FBXL17: variants seen among roughly 807,000 people sequenced by gnomAD.
The protein encoded by FBXL17 is F-box and leucine rich repeat protein 17.
FBXL17 carries 22 observed loss-of-function variants against 66.2 expected under a neutral mutation model. The ratio of observed to expected loss-of-function variants is 0.33; its 90% confidence interval spans 0.24 to 0.47. FBXL17 has a LOEUF of 0.47. Among genes scored for constraint, FBXL17 ranks in the 20% least tolerant of loss-of-function variants. The pLI, the probability that FBXL17 is intolerant of heterozygous loss-of-function variation, is 1.00. For missense variants in FBXL17, 878 were observed against 948.2 expected, an observed-to-expected ratio of 0.93 and a Z score of 0.97; for synonymous variants, 474 against 400.5, an observed-to-expected ratio of 1.18 and a Z score of -2.19.
chr5:108,378,212 T>C (rs1580930795), intron 1 of FBXL17, among the ~76,000 whole-genome samples: 1 of 151,280 alleles, frequency 6.6e-6, no homozygotes, highest in African/African-American at 2.4e-5. Context: ...TTAGTTTCTC[T>C]CCTCTGCCAT....
At chr5:108,185,583 G>C (rs1042079649) in intron 6 of FBXL17, among the ~76,000 whole-genome samples, 1 of 152,060 alleles carries the variant, frequency 6.6e-6, no homozygotes, top group Non-Finnish European at 1.5e-5. Context: ...GCTAATATAG[G>C]CGCAGTGGTG....
At chr5:108,222,737 A>G (rs1332909602) in intron 5 of FBXL17, among the ~76,000 whole-genome samples, 1 of 142,592 alleles carries the variant, frequency 7.0e-6, no homozygotes, top group Admixed American at 7.5e-5. Flanking sequence ...GCAGTGGCGC[A>G]ATCTCGGCTC....
At chr5:108,244,027 TTCGAACTG>T (rs778249624) in intron 4 of FBXL17, among the ~76,000 whole-genome samples, 4 of 152,094 alleles carry the variant, frequency 2.6e-5, no homozygotes, top group African/African-American at 4.8e-5. Context: ...TATTTAGACT[TTCGAACTG>T]TCTATGGTTC....
At chr5:107,946,213 G>A (rs1198224993) in intron 7 of FBXL17, among the ~76,000 whole-genome samples, 4 of 130,490 alleles carry the variant, frequency 3.1e-5, no homozygotes, top group Admixed American at 8.4e-5. Context: ...TAAGCACGAT[G>A]CCCAAAGTTG....
intron 4 of FBXL17, among the ~76,000 whole-genome samples, chr5:108,338,647 GAGA>G (rs1561537943): frequency 6.6e-6 from 1 of 152,070 alleles, no homozygotes; most frequent in Non-Finnish European, 1.5e-5. Flanking sequence ...TAAGATGCAA[GAGA>G]AGAAGGGTTG....
rs148961661 is a variant in FBXL17 at position 107,977,487 on chromosome 5, A to G, written c.1822+43438T>C. On this transcript the variant is annotated intron_variant, in intron 7 of 8. Coordinates refer to ENST00000542267, the MANE Select transcript of FBXL17 (RefSeq NM_001163315.3). ...AGGTTAGTCTTGCTTAAGTTCACAC[A>G]TAGATAATTGTCAGAGGCAAGACTG... Among the ~76,000 whole-genome samples, 680 of 152,350 alleles carry G rather than the reference A, an allele frequency of 4.5e-3. 14 individuals carry two copies. The highest frequency in any genetic ancestry group is 0.038 in the Admixed American group (589 of 15,302).
chr5:108,068,954 C>T (rs1748225430), intron 6 of FBXL17, among the ~76,000 whole-genome samples: 1 of 152,070 alleles, frequency 6.6e-6, no homozygotes, highest in Non-Finnish European at 1.5e-5. Flanking sequence ...ATACTCCTGG[C>T]CTTGGAATTG....
rs1750019026 is a variant in FBXL17 at position 108,382,059 on chromosome 5, T to A, written c.-368A>T. 2.6e-6 allele frequency: 2 copies of A among 780,196 alleles called. No homozygotes were observed. The highest frequency in any genetic ancestry group is 3.2e-6 in the Non-Finnish European group (2 of 629,628). 48.3% of individuals were successfully genotyped at this position (780,196 alleles called of 1,614,324 possible). A position where few individuals can be genotyped will look rare whatever the true frequency, so the allele number is the denominator to read the frequency against. On this transcript the variant is annotated 5_prime_UTR_variant, in exon 1 of 9. Coordinates refer to ENST00000542267, the MANE Select transcript of FBXL17 (RefSeq NM_001163315.3). ...AGGCCGGGTCCCGCTCGGACCATTT[T>A]AACTGCGGATCCGCCGCCGGCGCGC... is the stretch of plus-strand genomic sequence containing the variant.
chr5:108,340,105 T>C (rs1199208940), intron 4 of FBXL17, among the ~76,000 whole-genome samples: 10 of 151,156 alleles, frequency 6.6e-5, no homozygotes, highest in Non-Finnish European at 1.5e-5. Context: ...AATCCACTTA[T>C]GTTCCTGCCA....
Position 108,054,341 on chromosome 5 carries a change from A to C in FBXL17, c.1746-33340T>G, listed in dbSNP as rs571874336. Among the ~76,000 whole-genome samples the C allele has an allele frequency of 2.6e-5, 4 of 152,090 alleles. No individual in the cohort carries two copies. The East Asian group carries it at 7.7e-4, about 29-fold the overall frequency. On this transcript the variant is annotated intron_variant, in intron 6 of 8. Coordinates refer to ENST00000542267, the MANE Select transcript of FBXL17 (RefSeq NM_001163315.3). ...GTTGACAGTTATGGGTTTTTTTAGC[A>C]TTAGACCTCCTCCAATAAGACTCCA... is the stretch of plus-strand genomic sequence containing the variant.
At chr5:107,972,472 T>C (rs181563717) in intron 7 of FBXL17, among the ~76,000 whole-genome samples, 1 of 152,318 alleles carries the variant, frequency 6.6e-6, no homozygotes, top group East Asian at 1.9e-4. Flanking sequence ...AAAGTCTGTA[T>C]TATGTTCCTT....
chr5:107,871,068 A>AAAAAAAAAAAAAAAAAAAAAAAAAC (rs1561511887), intron 8 of FBXL17, among the ~76,000 whole-genome samples: 1 of 123,908 alleles, frequency 8.1e-6, no homozygotes, highest in African/African-American at 3.5e-5. Flanking sequence ...AAAAAAAAAA[A>AAAAAAAAAAAAAAAAAAAAAAAAAC]AAAAAAAAAA....
At chr5:108,036,944 A>T (rs1746865107) in intron 6 of FBXL17, among the ~76,000 whole-genome samples, 1 of 152,200 alleles carries the variant, frequency 6.6e-6, no homozygotes, top group South Asian at 2.1e-4. Context: ...AGGAAGAGAA[A>T]TACCTAGGCA....
intron 7 of FBXL17, among the ~76,000 whole-genome samples, chr5:107,926,491 T>G (rs1750528786): frequency 6.6e-6 from 1 of 152,026 alleles, no homozygotes; most frequent in Non-Finnish European, 1.5e-5. Flanking sequence ...TCCTTGCATC[T>G]CCTGAGTAGG....
intron 4 of FBXL17, chr5:108,299,773 C>T (rs1357089528): frequency 4.1e-6 from 4 of 984,742 alleles, no homozygotes; most frequent in Non-Finnish European, 4.8e-6. Context: ...ATGTGAAATT[C>T]GGAAGGCTCC....
At chr5:108,324,621 A>C (rs1759766110) in intron 4 of FBXL17, among the ~76,000 whole-genome samples, 1 of 152,124 alleles carries the variant, frequency 6.6e-6, no homozygotes, top group Non-Finnish European at 1.5e-5. Flanking sequence ...AGGGTCTCAA[A>C]GACATTTTTG....
At chr5:107,871,940 T>C (rs1242745852) in intron 8 of FBXL17, among the ~76,000 whole-genome samples, 1 of 152,190 alleles carries the variant, frequency 6.6e-6, no homozygotes, top group African/African-American at 2.4e-5. Flanking sequence ...TTGTGCATAA[T>C]GGCTTTCTTG....
At chr5:108,050,508 G>C (rs1267402965) in intron 6 of FBXL17, among the ~76,000 whole-genome samples, 1 of 152,058 alleles carries the variant, frequency 6.6e-6, no homozygotes, top group Non-Finnish European at 1.5e-5. Context: ...TAAGTTCTTT[G>C]AAACCAATGA....
At chr5:108,309,211 A>G (rs1449993556) in intron 4 of FBXL17, among the ~76,000 whole-genome samples, 1 of 152,106 alleles carries the variant, frequency 6.6e-6, no homozygotes, top group East Asian at 1.9e-4. Flanking sequence ...AATGAGTAAG[A>G]GATAGTGTAA....
Sources: allele counts gnomAD v4.1 joint callset (sites outside exome capture counted in the v4.1 genomes callset), GRCh38; gene constraint gnomAD v4.1.1; transcripts MANE v1.5; gene names NCBI Gene and HGNC (gene_info 2026-07-23, HGNC 2026-07-21).